MAGI2: variants seen among roughly 807,000 people sequenced by gnomAD.
MAGI2 encodes membrane-associated guanylate kinase, WW and PDZ domain-containing protein 2.
A neutral mutation model predicts 133.3 loss-of-function variants in MAGI2; 35 were observed. The ratio of observed to expected loss-of-function variants is 0.26; its 90% CI spans 0.20 to 0.35. The LOEUF (loss-of-function observed/expected upper bound fraction) is 0.35. MAGI2 is among the 10% of genes least tolerant of loss of function. MAGI2 has a pLI of 1.00. For missense variants in MAGI2, 1,636 were observed against 1,863.4 expected (o/e 0.88, Z 2.25); for synonymous variants, 729 against 710.6 (o/e 1.03, Z -0.41).
intron 2 of MAGI2, among the ~76,000 whole-genome samples, chr7:78,629,324 T>C (rs1199737246): frequency 2.0e-5 from 3 of 152,298 alleles, no homozygotes; most frequent in East Asian, 1.9e-4. Context: ...ACCTACCTCA[T>C]TGTGGCTTGA....
At chr7:79,067,207 C>A (rs1454766820) in intron 1 of MAGI2, among the ~76,000 whole-genome samples, 2 of 152,122 alleles carry the variant, frequency 1.3e-5, no homozygotes, top group African/African-American at 4.8e-5. Context: ...GCAGTATGGC[C>A]ATTTTCATGA....
chr7:78,228,513 A>T (rs1363555653), intron 10 of MAGI2, among the ~76,000 whole-genome samples: 1 of 152,234 alleles, frequency 6.6e-6, no homozygotes, highest in African/African-American at 2.4e-5. Context: ...GGTTCCTTAG[A>T]GACCCATTTT....
chr7:78,667,232 C>G (rs1178332137), intron 2 of MAGI2, among the ~76,000 whole-genome samples: 2 of 151,818 alleles, frequency 1.3e-5, no homozygotes, highest in Non-Finnish European at 2.9e-5. Context: ...CTTTTATGTC[C>G]ACACCCCTGC....
intron 1 of MAGI2, among the ~76,000 whole-genome samples, chr7:79,228,120 G>C (rs1443869472): frequency 6.6e-6 from 1 of 151,842 alleles, no homozygotes; most frequent in Non-Finnish European, 1.5e-5. Context: ...TTAGGTGGGA[G>C]ATCACTTGAG....
chr7:78,605,553 G>A (rs551521980), intron 3 of MAGI2, among the ~76,000 whole-genome samples: 2 of 152,244 alleles, frequency 1.3e-5, no homozygotes, highest in South Asian at 4.1e-4. Context: ...TAAAAGTCCA[G>A]TAGAGTGACA....
At chr7:78,241,798 G>A (rs1791172491) in intron 10 of MAGI2, among the ~76,000 whole-genome samples, 1 of 151,972 alleles carries the variant, frequency 6.6e-6, no homozygotes, top group Non-Finnish European at 1.5e-5. Flanking sequence ...GCAGGGTGTG[G>A]TGGTGTGCAC....
intron 9 of MAGI2, among the ~76,000 whole-genome samples, chr7:78,270,446 G>A (rs528849568): frequency 6.3e-4 from 96 of 152,146 alleles, no homozygotes; most frequent in African/African-American, 2.3e-3. Context: ...CTTGAGCAGT[G>A]GTTTGTAGTT....
chr7:79,134,495 T>C (rs1821202365), intron 1 of MAGI2, among the ~76,000 whole-genome samples: 1 of 152,180 alleles, frequency 6.6e-6, no homozygotes, highest in Admixed American at 6.5e-5. Flanking sequence ...ATAATGTATC[T>C]CAGCTGAAAG....
chr7:78,649,453 A>C (rs1421127563), intron 2 of MAGI2, among the ~76,000 whole-genome samples: 2 of 152,078 alleles, frequency 1.3e-5, no homozygotes, highest in South Asian at 2.1e-4. Flanking sequence ...TCAACATTGG[A>C]GGCTGAGTTT....
At chr7:78,231,152 G>T (rs988840130) in intron 10 of MAGI2, among the ~76,000 whole-genome samples, 2 of 152,174 alleles carry the variant, frequency 1.3e-5, no homozygotes, top group Non-Finnish European at 2.9e-5. Context: ...AAAATGACCT[G>T]GTCTCCCAGG....
intron 1 of MAGI2, among the ~76,000 whole-genome samples, chr7:79,368,359 A>G (rs1409765631): frequency 6.6e-6 from 1 of 152,086 alleles, no homozygotes; most frequent in Non-Finnish European, 1.5e-5. Context: ...AACCCCACCC[A>G]GGAAAGACTC....
At chr7:78,584,131 G>A (rs1161377189) in intron 3 of MAGI2, among the ~76,000 whole-genome samples, 2 of 152,158 alleles carry the variant, frequency 1.3e-5, no homozygotes, top group East Asian at 3.9e-4. Flanking sequence ...CCTTAAGAAA[G>A]GACACTGGGG....
intron 1 of MAGI2, among the ~76,000 whole-genome samples, chr7:79,170,460 G>A (rs796341396): frequency 1.3e-5 from 2 of 151,960 alleles, no homozygotes; most frequent in South Asian, 4.2e-4. Context: ...GCAGGTGTGT[G>A]CCACTGCGCC....
intron 2 of MAGI2, among the ~76,000 whole-genome samples, chr7:78,891,310 C>A (rs1277679069): frequency 6.6e-6 from 1 of 152,162 alleles, no homozygotes; most frequent in African/African-American, 2.4e-5. Flanking sequence ...CAAGGAGGAG[C>A]TGGTACCATT....
intron 7 of MAGI2, among the ~76,000 whole-genome samples, chr7:78,367,246 G>A (rs1027182822): frequency 6.6e-6 from 1 of 152,138 alleles, no homozygotes; most frequent in Non-Finnish European, 1.5e-5. Flanking sequence ...CACACATCTC[G>A]ATGATCAAGA....
chr7:79,323,053 G>T (rs1839319591), intron 1 of MAGI2, among the ~76,000 whole-genome samples: 1 of 152,028 alleles, frequency 6.6e-6, no homozygotes, highest in East Asian at 1.9e-4. Flanking sequence ...GTACATGCTA[G>T]TCTCAAACTC....
At chr7:78,990,499 C>T (rs538691907) in intron 2 of MAGI2, among the ~76,000 whole-genome samples, 4 of 151,950 alleles carry the variant, frequency 2.6e-5, no homozygotes, top group South Asian at 2.1e-4. Context: ...TCTTCTCAAT[C>T]GGAATGTCCT....
intron 12 of MAGI2, 26 bp downstream of exon 12, chr7:78,194,848 C>G: frequency 6.4e-7 from 1 of 1,555,258 alleles, no homozygotes; most frequent in South Asian, 1.2e-5. Context: ...ATTAATGTAC[C>G]CTTGTTTCAT....
At chr7:78,206,506 T>C (rs979690395) in intron 10 of MAGI2, among the ~76,000 whole-genome samples, 12 of 152,106 alleles carry the variant, frequency 7.9e-5, no homozygotes, top group Non-Finnish European at 1.8e-4. Context: ...TTGGCCAGGC[T>C]GGTCTCAAAC....
Sources: gnomAD v4.1 joint callset for allele counts (sites outside exome capture counted in the v4.1 genomes callset) on GRCh38, gnomAD v4.1.1 for gene constraint, MANE v1.5 for transcripts, NCBI Gene and HGNC (gene_info 2026-07-23, HGNC 2026-07-21) for gene names.